The following NKAIN2 variants were observed in gnomAD, a reference collection of about 807,000 sequenced individuals.
NKAIN2 encodes the protein sodium/potassium transporting ATPase interacting 2.
In NKAIN2, 14 loss-of-function variants were observed where a neutral mutation model predicts 32.6. The ratio of observed to expected loss-of-function variants is 0.43; its 90% CI spans 0.28 to 0.67. NKAIN2 has a LOEUF of 0.67. NKAIN2 is among the 30% of genes least tolerant of loss of function. The pLI, the probability that NKAIN2 is intolerant of heterozygous loss-of-function variation, is 0.17. For missense variants in NKAIN2, 198 were observed against 258.3 expected (o/e 0.77, Z 1.60); for synonymous variants, 80 against 87.2 (o/e 0.92, Z 0.46).
At chr6:124,171,861 T>C (rs1389178651) in intron 1 of NKAIN2, among the ~76,000 whole-genome samples, 2 of 151,182 alleles carry the variant, frequency 1.3e-5, no homozygotes, top group African/African-American at 4.9e-5. Flanking sequence ...TCTTTTTTTT[T>C]TTTGAGAGAG....
intron 4 of NKAIN2, 78 bp from the exon 5 acceptor site, chr6:124,791,261 C>A: frequency 1.8e-6 from 2 of 1,087,050 alleles, no homozygotes; most frequent in Admixed American, 1.7e-5. Flanking sequence ...AACTGCCTGA[C>A]TTTGAAAAGC....
At chr6:124,598,132 C>A (rs1782163594) in intron 3 of NKAIN2, among the ~76,000 whole-genome samples, 1 of 152,134 alleles carries the variant, frequency 6.6e-6, no homozygotes, top group African/African-American at 2.4e-5. Flanking sequence ...TCTAAAAATA[C>A]TTCTGAGAAA....
intron 1 of NKAIN2, among the ~76,000 whole-genome samples, chr6:123,900,773 C>T (rs1444033624): frequency 1.3e-5 from 2 of 151,872 alleles, no homozygotes; most frequent in Non-Finnish European, 2.9e-5. Context: ...CTGACCATTT[C>T]TTCAGCTTTT....
chr6:124,098,686 T>A (rs1197522835), intron 1 of NKAIN2, among the ~76,000 whole-genome samples: 1 of 152,100 alleles, frequency 6.6e-6, no homozygotes, highest in East Asian at 1.9e-4. Context: ...CTGGCCAATA[T>A]GGTGAAACCT....
chr6:124,815,754 C>T (rs1378475263), intron 5 of NKAIN2, among the ~76,000 whole-genome samples: 1 of 152,064 alleles, frequency 6.6e-6, no homozygotes, highest in South Asian at 2.1e-4. Context: ...CTATAGTTGT[C>T]CCAAATTAAG....
intron 1 of NKAIN2, among the ~76,000 whole-genome samples, chr6:123,813,406 G>A (rs963574443): frequency 1.3e-5 from 2 of 152,176 alleles, no homozygotes; most frequent in African/African-American, 4.8e-5. Context: ...GGCATATGAA[G>A]GTTTTACCTG....
At position 123,927,839 on chromosome 6, in the gene NKAIN2, A is replaced by G. The variant is rs184876064; in HGVS notation, c.54+123585A>G. Among the ~76,000 whole-genome samples the G allele has an allele frequency of 1.3e-3, 198 of 152,296 alleles. 1 individual carries two copies. The highest frequency in any genetic ancestry group is 4.2e-3 in the African/African-American group (173 of 41,572). On this transcript the variant is annotated intron_variant, in intron 1 of 6. Coordinates refer to ENST00000368417, the MANE Select transcript of NKAIN2 (RefSeq NM_001040214.3). ...GTCCAACTATTCATATTAAGGTTCT[A>G]TGACCTGTAACTTGCAGATGTAACT... is the stretch of plus-strand genomic sequence containing the variant.
chr6:124,555,984 T>C (rs1780458893), intron 3 of NKAIN2, among the ~76,000 whole-genome samples: 1 of 152,108 alleles, frequency 6.6e-6, no homozygotes, highest in Non-Finnish European at 1.5e-5. Context: ...TACTGAGTTA[T>C]TGAAATGGTG....
intron 4 of NKAIN2, among the ~76,000 whole-genome samples, chr6:124,716,009 G>C (rs1158742305): frequency 6.6e-6 from 1 of 152,150 alleles, no homozygotes; most frequent in African/African-American, 2.4e-5. Context: ...GCTTGATAAA[G>C]CTTATTTTTG....
At chr6:124,492,812 C>T (rs1240973894) in intron 3 of NKAIN2, among the ~76,000 whole-genome samples, 1 of 151,854 alleles carries the variant, frequency 6.6e-6, no homozygotes, top group Non-Finnish European at 1.5e-5. Flanking sequence ...CTTGAAACTT[C>T]GAAGATTAAC....
chr6:124,740,596 C>T (rs1294412584), intron 4 of NKAIN2, among the ~76,000 whole-genome samples: 1 of 151,698 alleles, frequency 6.6e-6, no homozygotes, highest in Non-Finnish European at 1.5e-5. Flanking sequence ...ACATTTGTGC[C>T]AGGACTTAAA....
intron 1 of NKAIN2, among the ~76,000 whole-genome samples, chr6:124,120,104 G>A (rs919784090): frequency 5.3e-5 from 8 of 152,028 alleles, no homozygotes; most frequent in Admixed American, 1.3e-4. Flanking sequence ...TCTCATTATC[G>A]TTTAATATAT....
chr6:123,956,092 T>C (rs60782550), intron 1 of NKAIN2, among the ~76,000 whole-genome samples: 2,387 of 152,272 alleles, frequency 0.016, 53 homozygotes, highest in African/African-American at 0.054. Context: ...AAAAGCAGTA[T>C]TTCATTCTTA....
At chr6:123,856,743 C>T (rs964353003) in intron 1 of NKAIN2, among the ~76,000 whole-genome samples, 1 of 152,202 alleles carries the variant, frequency 6.6e-6, no homozygotes, top group Non-Finnish European at 1.5e-5. Context: ...CACCACAGCC[C>T]TACAGAATTT....
intron 3 of NKAIN2, among the ~76,000 whole-genome samples, chr6:124,494,676 A>G (rs1322452688): frequency 6.6e-6 from 1 of 152,176 alleles, no homozygotes; most frequent in African/African-American, 2.4e-5. Context: ...TTAATTTTAA[A>G]TTGAACTCCT....
intron 1 of NKAIN2, among the ~76,000 whole-genome samples, chr6:124,033,289 T>A (rs1781481432): frequency 6.6e-6 from 1 of 152,130 alleles, no homozygotes; most frequent in African/African-American, 2.4e-5. Context: ...TTAAAATAAC[T>A]TGGATGATTA....
intron 3 of NKAIN2, among the ~76,000 whole-genome samples, chr6:124,634,460 G>A (rs1045945374): frequency 1.3e-5 from 2 of 151,930 alleles, no homozygotes; most frequent in Non-Finnish European, 1.5e-5. Flanking sequence ...AAAATTAAAA[G>A]TACAATTGAG....
chr6:124,197,463 A>G (rs1358461975), intron 1 of NKAIN2, among the ~76,000 whole-genome samples: 2 of 152,160 alleles, frequency 1.3e-5, no homozygotes, highest in Non-Finnish European at 2.9e-5. Context: ...GAATTCAAGA[A>G]AAGTTATCGT....
At chr6:124,336,279 A>C (rs1449557673) in intron 2 of NKAIN2, among the ~76,000 whole-genome samples, 2 of 152,198 alleles carry the variant, frequency 1.3e-5, no homozygotes, top group African/African-American at 4.8e-5. Context: ...CAATTGATTA[A>C]GCAGCCATAA....
Sources: allele counts gnomAD v4.1 joint callset (sites outside exome capture counted in the v4.1 genomes callset), GRCh38; gene constraint gnomAD v4.1.1; transcripts MANE v1.5; gene names NCBI Gene and HGNC (gene_info 2026-07-23, HGNC 2026-07-21).